SH3GL2: variants seen among roughly 807,000 people sequenced by gnomAD.
SH3GL2 encodes endophilin-A1.
SH3GL2 carries 24 observed loss-of-function variants against 46.0 expected under a neutral mutation model. That is an observed-to-expected ratio of 0.52 (90% CI 0.38 to 0.73). The LOEUF is 0.73. SH3GL2 is among the 30% of genes least tolerant of loss of function. The pLI, the probability that SH3GL2 is intolerant of heterozygous loss-of-function variation, is 0.00. For missense variants in SH3GL2, 413 were observed against 424.2 expected (o/e 0.97, Z 0.23); for synonymous variants, 196 against 147.1 (o/e 1.33, Z -2.40).
At chr9:17,682,700 A>G (rs1381535457) in intron 1 of SH3GL2, among the ~76,000 whole-genome samples, 1 of 147,966 alleles carries the variant, frequency 6.8e-6, no homozygotes, top group African/African-American at 2.7e-5. Context: ...AAAAAAAAGG[A>G]AAACATGGGC....
intron 3 of SH3GL2, among the ~76,000 whole-genome samples, chr9:17,772,919 G>A (rs148464805): frequency 1.2e-4 from 18 of 152,248 alleles, no homozygotes; most frequent in African/African-American, 4.3e-4. Context: ...GTACCACTGT[G>A]CTCTCTTCCA....
intron 1 of SH3GL2, among the ~76,000 whole-genome samples, chr9:17,735,134 CCT>C (rs1387346323): frequency 5.3e-5 from 8 of 152,022 alleles, no homozygotes; most frequent in Non-Finnish European, 1.2e-4. Flanking sequence ...TCTAAATATT[CCT>C]CTGTCTCTTC....
At chr9:17,744,903 C>A (rs758145690) in intron 1 of SH3GL2, among the ~76,000 whole-genome samples, 11 of 152,082 alleles carry the variant, frequency 7.2e-5, no homozygotes, top group Non-Finnish European at 1.2e-4. Context: ...GGGCTGATAT[C>A]AAGGATTAAG....
chr9:17,599,685 A>G (rs997183351), intron 1 of SH3GL2, among the ~76,000 whole-genome samples: 3 of 152,090 alleles, frequency 2.0e-5, no homozygotes, highest in Non-Finnish European at 4.4e-5. Flanking sequence ...CGGTTGGGGG[A>G]CAGATTCTAG....
chr9:17,739,087 G>A (rs1275233971), intron 1 of SH3GL2, among the ~76,000 whole-genome samples: 2 of 152,074 alleles, frequency 1.3e-5, no homozygotes, highest in Non-Finnish European at 2.9e-5. Flanking sequence ...CCCTGTTGTG[G>A]CTCCATTTTG....
intron 1 of SH3GL2, among the ~76,000 whole-genome samples, chr9:17,620,727 A>T (rs1296669978): frequency 6.6e-6 from 1 of 152,268 alleles, no homozygotes; most frequent in East Asian, 1.9e-4. Context: ...TTGAATGTGG[A>T]GGGAGAGGGA....
intron 1 of SH3GL2, among the ~76,000 whole-genome samples, chr9:17,670,621 A>G (rs991211457): frequency 3.3e-5 from 5 of 152,088 alleles, no homozygotes; most frequent in African/African-American, 1.2e-4. Flanking sequence ...AACAAGTAGC[A>G]TTTTCTTTGT....
At chr9:17,728,185 T>G (rs117818712) in intron 1 of SH3GL2, among the ~76,000 whole-genome samples, 2,802 of 152,308 alleles carry the variant, frequency 0.018, 42 homozygotes, top group Non-Finnish European at 0.031. Flanking sequence ...CTTTTCATTC[T>G]TTAGGAACCT....
rs191693988 is a variant in SH3GL2 at position 17,607,119 on chromosome 9, C to A, written c.45+27832C>A. Among the ~76,000 whole-genome samples the A allele has an allele frequency of 2.3e-4, 35 of 152,188 alleles. 1 individual carries two copies. Among genetic ancestry groups the A allele is most frequent in the African/African-American group, 7.0e-4 (29 of 41,522 alleles). On this transcript the variant is annotated intron_variant, in intron 1 of 8. Transcript: ENST00000380607. The stretch of plus-strand genomic sequence containing the variant: ...TGACATACAGTCATGCATCAGGTAA[C>A]AATGGGATATATTCTGAGAAATGCA...
Position 17,579,279 on chromosome 9 carries a change from G to A in SH3GL2, c.37G>A (p.Ala13Thr). 1 of 1,565,592 alleles carries A rather than the reference G, an allele frequency of 6.4e-7. No homozygotes were observed. The highest frequency in any genetic ancestry group is 8.6e-7 in the Non-Finnish European group (1 of 1,157,002). ...VAGLKKQFHK[A>T]TQKVSEKVGG... is the part of the protein sequence containing the mutation. Reference sequence around the variant, plus strand: ...CGGCCTCAAGAAGCAGTTCCATAAAGCCACTCAGGTAAGGCGCGCGGCAGG... The same window carrying A: ...CGGCCTCAAGAAGCAGTTCCATAAAACCACTCAGGTAAGGCGCGCGGCAGG... Residue 13 changes from alanine (A) to threonine (T), a missense_variant, in exon 1 of 9, where the codon GCC becomes ACC. This residue lies in a region of SH3GL2 where 160 missense variants were observed against 192.3 expected (regional missense o/e 0.83). Coordinates refer to ENST00000380607, the MANE Select transcript of SH3GL2 (RefSeq NM_003026.5).
intron 1 of SH3GL2, among the ~76,000 whole-genome samples, chr9:17,630,966 A>G (rs1345394443): frequency 2.6e-5 from 4 of 151,912 alleles, no homozygotes; most frequent in Admixed American, 6.6e-5. Context: ...AGTGTTCAGC[A>G]TAAGGATCCA....
At chr9:17,684,402 A>G (rs1379265449) in intron 1 of SH3GL2, among the ~76,000 whole-genome samples, 2 of 152,128 alleles carry the variant, frequency 1.3e-5, no homozygotes, top group African/African-American at 4.8e-5. Flanking sequence ...CTGAAACACA[A>G]AGAAAAAAGA....
At chr9:17,642,477 T>C (rs1211127755) in intron 1 of SH3GL2, among the ~76,000 whole-genome samples, 1 of 152,232 alleles carries the variant, frequency 6.6e-6, no homozygotes, top group Non-Finnish European at 1.5e-5. Context: ...AGGGTTTTTA[T>C]GGTTTTAGGT....
chr9:17,585,013 T>A (rs1307518632), intron 1 of SH3GL2, among the ~76,000 whole-genome samples: 30 of 152,110 alleles, frequency 2.0e-4, no homozygotes, highest in Admixed American at 1.8e-3. Context: ...TGGCAAGACT[T>A]GGTTGGGGCA....
chr9:17,649,913 G>A (rs868815008), intron 1 of SH3GL2, among the ~76,000 whole-genome samples: 3 of 152,176 alleles, frequency 2.0e-5, no homozygotes, highest in African/African-American at 7.2e-5. Context: ...CTGAAATGGT[G>A]TTTAGTATAT....
intron 1 of SH3GL2, among the ~76,000 whole-genome samples, chr9:17,619,486 T>G (rs1407651107): frequency 6.6e-6 from 1 of 152,144 alleles, no homozygotes; most frequent in African/African-American, 2.4e-5. Flanking sequence ...AAGACCAGCC[T>G]GACCAATATG....
chr9:17,606,196 G>A (rs1159403966), intron 1 of SH3GL2, among the ~76,000 whole-genome samples: 1 of 152,050 alleles, frequency 6.6e-6, no homozygotes, highest in African/African-American at 2.4e-5. Flanking sequence ...GGGTTCAAGC[G>A]ATTCTCCTGC....
intron 3 of SH3GL2, among the ~76,000 whole-genome samples, chr9:17,766,584 G>T (rs1054590138): frequency 6.6e-6 from 1 of 152,144 alleles, no homozygotes; most frequent in African/African-American, 2.4e-5. Context: ...TACAAGTAAA[G>T]AGAAAGATGA....
chr9:17,590,398 ATCT>A (rs1818459156), intron 1 of SH3GL2: 1 of 152,154 alleles, frequency 6.6e-6, no homozygotes, highest in African/African-American at 2.4e-5. Flanking sequence ...TTATCCAGAG[ATCT>A]TCTACTTCTG....
Sources: gnomAD v4.1 joint callset for allele counts (sites outside exome capture counted in the v4.1 genomes callset) on GRCh38, gnomAD v4.1.1 for gene constraint, gnomAD v4.1.1 regional missense constraint, MANE v1.5 for transcripts, NCBI Gene and HGNC (gene_info 2026-07-23, HGNC 2026-07-21) for gene names.